LRRC4C: variants seen among roughly 807,000 people sequenced by gnomAD.
LRRC4C encodes the protein leucine rich repeat containing 4C, also known as leucine-rich repeat-containing protein 4C.
LRRC4C carries 5 observed loss-of-function variants against 33.6 expected under a neutral mutation model. The observed-to-expected ratio is 0.15, with a 90% confidence interval of 0.08 to 0.31. The LOEUF is 0.31. Among genes scored for constraint, LRRC4C ranks in the 10% least tolerant of loss-of-function variants. The probability of loss-of-function intolerance (pLI) is 1.00; values close to 1 mark genes in which losing one functional copy is unlikely to be tolerated. For missense variants in LRRC4C, 560 were observed against 796.7 expected (o/e 0.70, Z 3.58); for synonymous variants, 329 against 302.0 (o/e 1.09, Z -0.93).
chr11:40,474,756 A>G lies in LRRC4C; in HGVS notation c.-269-155035T>C, dbSNP rs141614038. Among the ~76,000 whole-genome samples, 781 of 152,296 alleles carry G rather than the reference A, an allele frequency of 5.1e-3. 11 individuals are homozygous for G. Among genetic ancestry groups the G allele is most frequent in the African/African-American group, 0.018 (753 of 41,566 alleles). On this transcript the variant is annotated intron_variant, in intron 3 of 6. Transcript: ENST00000528697. ...TTACAAGAAAACAACAAACAACCCA[A>G]TCAAAAAGTGGGCAAAGGATGTGAA...
intron 2 of LRRC4C, among the ~76,000 whole-genome samples, chr11:40,730,938 G>A (rs1169789044): frequency 6.6e-6 from 1 of 152,172 alleles, no homozygotes; most frequent in African/African-American, 2.4e-5. Context: ...AGGGCCTGGT[G>A]GGAGGTGTTT....
intron 1 of LRRC4C, among the ~76,000 whole-genome samples, chr11:41,008,246 C>T (rs1854913080): frequency 6.6e-6 from 1 of 152,074 alleles, no homozygotes; most frequent in East Asian, 1.9e-4. Flanking sequence ...TGTTTTTAGA[C>T]ATAAATGTTA....
intron 2 of LRRC4C, among the ~76,000 whole-genome samples, chr11:40,910,267 CA>C: frequency 6.6e-6 from 1 of 151,800 alleles, no homozygotes; most frequent in Non-Finnish European, 1.5e-5. Flanking sequence ...TTCAATTCAG[CA>C]GTATATATTG....
chr11:40,576,659 C>T lies in LRRC4C; in HGVS notation c.-270+71483G>A, dbSNP rs55880990. 7.9e-3 allele frequency among the ~76,000 whole-genome samples: 1,201 copies of T among 152,254 alleles called. 9 individuals are homozygous for T. The highest frequency in any genetic ancestry group is 0.011 in the Non-Finnish European group (741 of 68,008). ...ATCCCCCTCCATCCTTGACCTGTTT[C>T]TTTCCCTACGTTGGTAGCATTCTTA... On this transcript the variant is annotated intron_variant, in intron 3 of 6. Coordinates refer to ENST00000528697, the MANE Select transcript of LRRC4C (RefSeq NM_001258419.2).
intron 3 of LRRC4C, among the ~76,000 whole-genome samples, chr11:40,502,704 C>T (rs1954837844): frequency 6.6e-6 from 1 of 152,104 alleles, no homozygotes; most frequent in Non-Finnish European, 1.5e-5. Flanking sequence ...CAGAGCCAAA[C>T]CACATAAGCA....
At chr11:40,861,204 G>C (rs1344624232) in intron 2 of LRRC4C, among the ~76,000 whole-genome samples, 2 of 152,038 alleles carry the variant, frequency 1.3e-5, no homozygotes, top group Non-Finnish European at 2.9e-5. Flanking sequence ...GATAGAAAAG[G>C]AAATGCTAAG....
At chr11:41,158,319 T>A (rs975094122) in intron 1 of LRRC4C, among the ~76,000 whole-genome samples, 1 of 152,004 alleles carries the variant, frequency 6.6e-6, no homozygotes, top group Non-Finnish European at 1.5e-5. Flanking sequence ...ACTGGAAGGT[T>A]TTTCAAAGAT....
intron 1 of LRRC4C, among the ~76,000 whole-genome samples, chr11:40,968,808 C>T (rs990444721): frequency 6.6e-6 from 1 of 152,116 alleles, no homozygotes; most frequent in African/African-American, 2.4e-5. Context: ...GACAGTGCAC[C>T]TATTCACCCA....
intron 4 of LRRC4C, among the ~76,000 whole-genome samples, chr11:40,291,931 CTTT>C (rs113937225): frequency 1.3e-4 from 18 of 143,888 alleles, no homozygotes; most frequent in African/African-American, 3.0e-4. Flanking sequence ...TCTTGGGGAG[CTTT>C]TTTTTTTTTT....
At chr11:41,119,828 T>C (rs899417656) in intron 1 of LRRC4C, among the ~76,000 whole-genome samples, 3 of 152,162 alleles carry the variant, frequency 2.0e-5, no homozygotes, top group African/African-American at 7.2e-5. Context: ...AAATAAATAA[T>C]GATTTATGTA....
intron 1 of LRRC4C, among the ~76,000 whole-genome samples, chr11:41,098,539 C>T (rs1940961684): frequency 6.6e-6 from 1 of 152,196 alleles, no homozygotes; most frequent in South Asian, 2.1e-4. Context: ...TAGGAGTAAA[C>T]ATTCCAGAAT....
At chr11:40,372,539 C>T (rs1039431659) in intron 3 of LRRC4C, among the ~76,000 whole-genome samples, 110 of 152,136 alleles carry the variant, frequency 7.2e-4, no homozygotes, top group Non-Finnish European at 7.2e-4. Flanking sequence ...AATACATCAG[C>T]GAATTCTCTT....
chr11:40,405,990 G>T (rs547444694), intron 3 of LRRC4C, among the ~76,000 whole-genome samples: 25 of 152,050 alleles, frequency 1.6e-4, no homozygotes, highest in African/African-American at 5.5e-4. Flanking sequence ...CTTCCATCTT[G>T]TTTGTGACAC....
chr11:40,287,302 A>G (rs1457632941), intron 4 of LRRC4C, among the ~76,000 whole-genome samples: 1 of 143,912 alleles, frequency 6.9e-6, no homozygotes, highest in East Asian at 2.0e-4. Flanking sequence ...GTATTCCATC[A>G]GTATACTCGT....
At chr11:40,322,565 G>A (rs942511726) in intron 3 of LRRC4C, among the ~76,000 whole-genome samples, 1 of 152,054 alleles carries the variant, frequency 6.6e-6, no homozygotes, top group Admixed American at 6.6e-5. Flanking sequence ...ACATCTCTAG[G>A]CTTCAATGTG....
chr11:41,049,760 T>C (rs376877457), intron 1 of LRRC4C, among the ~76,000 whole-genome samples: 1 of 152,202 alleles, frequency 6.6e-6, no homozygotes, highest in Admixed American at 6.5e-5. Flanking sequence ...TGGCTTTGGG[T>C]TGTATTCCAG....
At chr11:40,239,264 T>G (rs979748077) in intron 5 of LRRC4C, among the ~76,000 whole-genome samples, 48 of 152,198 alleles carry the variant, frequency 3.2e-4, no homozygotes, top group African/African-American at 1.1e-3. Flanking sequence ...CTGCCTTATA[T>G]TTGGTTATTT....
At chr11:41,401,004 A>G (rs900925178) in intron 1 of LRRC4C, among the ~76,000 whole-genome samples, 5 of 152,004 alleles carry the variant, frequency 3.3e-5, no homozygotes, top group Admixed American at 6.6e-5. Flanking sequence ...AAAATGCTTG[A>G]GACTACTGAG....
At chr11:40,322,603 G>A (rs77079027) in intron 3 of LRRC4C, among the ~76,000 whole-genome samples, 2,013 of 152,168 alleles carry the variant, frequency 0.013, 48 homozygotes, top group African/African-American at 0.043. Context: ...TTTAAGACTC[G>A]GGGAGCATAG....
Sources: allele counts gnomAD v4.1 joint callset (sites outside exome capture counted in the v4.1 genomes callset), GRCh38; gene constraint gnomAD v4.1.1; transcripts MANE v1.5; gene names NCBI Gene and HGNC (gene_info 2026-07-23, HGNC 2026-07-21).